ASTN1: variants seen among roughly 807,000 people sequenced by gnomAD.
ASTN1 encodes the protein astrotactin-1.
A neutral mutation model predicts 140.7 loss-of-function variants in ASTN1; 41 were observed. The observed-to-expected ratio is 0.29, with a 90% confidence interval of 0.23 to 0.38. The LOEUF is 0.38. Ranked by LOEUF, ASTN1 falls within the 10% of genes least tolerant of loss-of-function variation. ASTN1 has a pLI of 1.00. For missense variants in ASTN1, 1,479 were observed against 1,678.8 expected (o/e 0.88, Z 2.08); for synonymous variants, 640 against 652.2 (o/e 0.98, Z 0.29).
intron 1 of ASTN1, among the ~76,000 whole-genome samples, chr1:177,148,813 A>G (rs2102238901): frequency 6.6e-6 from 1 of 152,026 alleles, no homozygotes; most frequent in East Asian, 1.9e-4. Context: ...TTAGAGGATC[A>G]ATGGTGACCT....
intron 17 of ASTN1, among the ~76,000 whole-genome samples, chr1:176,889,647 T>C (rs1022736377): frequency 2.0e-5 from 3 of 152,192 alleles, no homozygotes; most frequent in Non-Finnish European, 4.4e-5. Flanking sequence ...CCTCCCCAGA[T>C]CGGAAGCCTC....
chr1:176,898,725 G>A (rs1026160077), intron 16 of ASTN1, among the ~76,000 whole-genome samples: 1 of 152,204 alleles, frequency 6.6e-6, no homozygotes, highest in South Asian at 2.1e-4. Context: ...AGAAGACCCT[G>A]CCTTACTTCC....
At chr1:176,982,733 C>T (rs907051040) in intron 8 of ASTN1, among the ~76,000 whole-genome samples, 4 of 152,078 alleles carry the variant, frequency 2.6e-5, no homozygotes, top group South Asian at 2.1e-4. Context: ...TATGTTTTAA[C>T]GTACCCAAAG....
At position 176,863,461 on chromosome 1, in the gene ASTN1, A is replaced by G; in HGVS notation, c.*823T>C. 3.0e-6 allele frequency: 3 copies of G among 985,802 alleles called. No individual in the cohort carries two copies. The highest frequency in any genetic ancestry group is 3.6e-6 in the Non-Finnish European group (3 of 829,934). The allele number at this position is 985,802 out of a possible 1,614,324, so 61.1% of individuals were successfully genotyped here. ...AGGAAGCATGGTTTTTTTAAAAAAC[A>G]ATAAACTCCAAGTCTCCTCTTGAAT... On this transcript the variant is annotated 3_prime_UTR_variant, in exon 23 of 23. Coordinates refer to ENST00000361833, the MANE Select transcript of ASTN1 (RefSeq NM_004319.3).
chr1:177,149,333 AAT>A lies in ASTN1; in HGVS notation c.283+15059_283+15060del, dbSNP rs551118619. Among the ~76,000 whole-genome samples, 101 of 82,774 alleles carry A rather than the reference AAT, an allele frequency of 1.2e-3. 3 individuals are homozygous for A. The highest frequency in any genetic ancestry group is 4.8e-3 in the African/African-American group (78 of 16,264). The allele number at this position is 82,774 out of a possible 152,430, so 54.3% of individuals were successfully genotyped here. A position where few individuals can be genotyped will look rare whatever the true frequency, so the allele number is the denominator to read the frequency against. On this transcript the variant is annotated intron_variant, in intron 1 of 22. Transcript: ENST00000361833. ...ATATATATATAGTATATATATAGTA[AAT>A]ATATATATAGTATATATATAGTAAA...
intron 8 of ASTN1, among the ~76,000 whole-genome samples, chr1:176,985,845 TA>T (rs1224695562): frequency 4.0e-4 from 52 of 129,744 alleles, no homozygotes; most frequent in African/African-American, 1.3e-3. Flanking sequence ...TCTCTCTCTC[TA>T]CACACACACA....
intron 14 of ASTN1, among the ~76,000 whole-genome samples, chr1:176,939,428 C>T (rs1671594832): frequency 1.3e-5 from 2 of 152,270 alleles, no homozygotes; most frequent in South Asian, 2.1e-4. Context: ...CAACATTTCT[C>T]CTGGATGCAT....
intron 11 of ASTN1, among the ~76,000 whole-genome samples, chr1:176,956,994 C>T (rs895011909): frequency 2.6e-5 from 4 of 152,140 alleles, no homozygotes; most frequent in African/African-American, 9.7e-5. Context: ...AACTCCTGGG[C>T]TCAAGGAATC....
chr1:177,036,003 GTCAGTGACTCTGGATGGGATGACC>G (rs1676696373), intron 2 of ASTN1, among the ~76,000 whole-genome samples: 1 of 147,558 alleles, frequency 6.8e-6, no homozygotes, highest in African/African-American at 2.5e-5. Flanking sequence ...TCTGCTTAGA[GTCAGTGACTCTGGATGGGATGACC>G]TCAGCTTTCT....
At chr1:176,995,050 T>C (rs1049198225) in intron 8 of ASTN1, among the ~76,000 whole-genome samples, 7 of 152,174 alleles carry the variant, frequency 4.6e-5, no homozygotes, top group African/African-American at 1.7e-4. Flanking sequence ...TTTTGTGGAT[T>C]GAGAGACCTA....
chr1:177,138,010 C>A (rs556239513), intron 1 of ASTN1, among the ~76,000 whole-genome samples: 1 of 152,078 alleles, frequency 6.6e-6, no homozygotes, highest in Non-Finnish European at 1.5e-5. Flanking sequence ...ATACGGCCCT[C>A]TAGAGGCTGG....
At chr1:176,923,827 C>G (rs183169162) in intron 16 of ASTN1, among the ~76,000 whole-genome samples, 1 of 152,132 alleles carries the variant, frequency 6.6e-6, no homozygotes, top group Non-Finnish European at 1.5e-5. Flanking sequence ...GTACTCATCC[C>G]AAAAGATGTG....
intron 1 of ASTN1, among the ~76,000 whole-genome samples, chr1:177,063,389 A>C (rs1006174991): frequency 6.6e-5 from 10 of 152,282 alleles, no homozygotes; most frequent in Admixed American, 6.5e-4. Context: ...CAGACAAAGC[A>C]TCCAGGAAGC....
chr1:176,862,761 A>G lies in ASTN1; in HGVS notation c.*1523T>C. On this transcript the variant is annotated 3_prime_UTR_variant, in exon 23 of 23. Transcript: ENST00000361833. ...GGAGTTGCTGTGAGAATTCAATGAT[A>G]CCTAAAGTGCTTACATCAGCGCCTG... The G allele has an allele frequency of 4.2e-6, 4 of 956,864 alleles. No individual in the cohort carries two copies. Among genetic ancestry groups the G allele is most frequent in the Non-Finnish European group, 3.7e-6 (3 of 804,020 alleles). 59.3% of individuals were successfully genotyped at this position (956,864 alleles called of 1,614,324 possible). A position where few individuals can be genotyped will look rare whatever the true frequency, so the allele number is the denominator to read the frequency against.
intron 2 of ASTN1, among the ~76,000 whole-genome samples, chr1:177,056,752 G>A (rs545107472): frequency 7.9e-5 from 12 of 152,154 alleles, no homozygotes; most frequent in South Asian, 4.2e-4. Context: ...ACTCGTTTGC[G>A]TACTTTAAGA....
At chr1:177,120,409 G>C (rs1158398672) in intron 1 of ASTN1, among the ~76,000 whole-genome samples, 1 of 152,072 alleles carries the variant, frequency 6.6e-6, no homozygotes, top group Non-Finnish European at 1.5e-5. Flanking sequence ...CTCACCTCAC[G>C]CATCCCAAAG....
chr1:176,944,386 G>A (rs955172265), intron 13 of ASTN1, among the ~76,000 whole-genome samples: 2 of 152,072 alleles, frequency 1.3e-5, no homozygotes, highest in African/African-American at 4.8e-5. Context: ...CAGCCTCCCA[G>A]GTAACTGAAA....
chr1:177,079,866 C>A (rs949233895), intron 1 of ASTN1, among the ~76,000 whole-genome samples: 1 of 152,076 alleles, frequency 6.6e-6, no homozygotes, highest in African/African-American at 2.4e-5. Flanking sequence ...AATCCCACAC[C>A]AGGTCTCGTT....
intron 16 of ASTN1, among the ~76,000 whole-genome samples, chr1:176,903,964 C>T (rs184504706): frequency 2.6e-5 from 4 of 152,184 alleles, no homozygotes; most frequent in Admixed American, 1.3e-4. Flanking sequence ...TCAGTTATCA[C>T]GCGGCTTTCT....
Sources: allele counts gnomAD v4.1 joint callset (sites outside exome capture counted in the v4.1 genomes callset), GRCh38; gene constraint gnomAD v4.1.1; transcripts MANE v1.5; gene names NCBI Gene and HGNC (gene_info 2026-07-23, HGNC 2026-07-21).